The following APBB2 variants were observed in gnomAD, a reference collection of about 807,000 sequenced individuals.
The protein encoded by APBB2 is Fe65-like 1.
APBB2 carries 38 observed loss-of-function variants against 82.5 expected under a neutral mutation model. The observed-to-expected ratio is 0.46, with a 90% confidence interval of 0.36 to 0.60. The LOEUF (loss-of-function observed/expected upper bound fraction) is 0.60, where lower values mean the gene tolerates loss of function less well. APBB2 is among the 20% of genes least tolerant of loss of function. APBB2 has a pLI of 0.00. For missense variants in APBB2, 772 were observed against 972.3 expected (o/e 0.79, Z 2.74); for synonymous variants, 341 against 368.2 (o/e 0.93, Z 0.85).
rs1248605396 is a variant in APBB2 at position 40,946,463 on chromosome 4, C to T, written c.836-1390G>A. Among the ~76,000 whole-genome samples the T allele has an allele frequency of 1.1e-4, 14 of 132,776 alleles. No homozygotes were observed. In the East Asian group the frequency reaches 2.6e-3, roughly 24 times the overall value. 87.1% of individuals were successfully genotyped at this position (132,776 alleles called of 152,430 possible). On this transcript the variant is annotated intron_variant, in intron 6 of 17. Transcript: ENST00000508593. ...AACACTGCGATGGCCAAATAAAATACGTCTACTAGACAATTCCCATCATAT... is the reference window on the plus strand; with the variant it reads ...AACACTGCGATGGCCAAATAAAATATGTCTACTAGACAATTCCCATCATAT...
Position 41,065,634 on chromosome 4 carries a change from C to T in APBB2, c.-109G>A, listed in dbSNP as rs570242843. On this transcript the variant is annotated 5_prime_UTR_variant, in exon 4 of 18. Transcript: ENST00000508593. Reference sequence around the variant, plus strand: ...ACAGTCAACACATTGGCAGAGGCCTCGGCAGTTCCCAAGTCCTCAGGAAAG... The same window carrying T: ...ACAGTCAACACATTGGCAGAGGCCTTGGCAGTTCCCAAGTCCTCAGGAAAG... 2 of 151,282 alleles carry T rather than the reference C, an allele frequency of 1.3e-5. No individual in the cohort carries two copies. The highest frequency in any genetic ancestry group is 2.4e-5 in the African/African-American group (1 of 41,156). 9.4% of individuals were successfully genotyped at this position (151,282 alleles called of 1,614,324 possible).
chr4:41,007,246 A>G (rs1200898273), intron 6 of APBB2, among the ~76,000 whole-genome samples: 2 of 151,914 alleles, frequency 1.3e-5, no homozygotes, highest in African/African-American at 4.8e-5. Context: ...ACCTAAGCTG[A>G]CATGCATTCT....
At chr4:41,091,823 G>C (rs1333950466) in intron 3 of APBB2, among the ~76,000 whole-genome samples, 7 of 152,098 alleles carry the variant, frequency 4.6e-5, no homozygotes, top group Admixed American at 4.6e-4. Context: ...TAACAGGTTT[G>C]AGGTCAGCAA....
intron 1 of APBB2, among the ~76,000 whole-genome samples, chr4:41,165,961 C>T (rs1766452064): frequency 6.6e-6 from 1 of 150,984 alleles, no homozygotes; most frequent in African/African-American, 2.4e-5. Flanking sequence ...GCAAGCTCCG[C>T]CTCCCGGGTT....
At chr4:41,009,574 C>A (rs1346253299) in intron 6 of APBB2, among the ~76,000 whole-genome samples, 1 of 152,250 alleles carries the variant, frequency 6.6e-6, no homozygotes, top group Middle Eastern at 3.4e-3. Context: ...GGAAAGGATG[C>A]CCCTGAGGTA....
chr4:41,047,202 A>C (rs56010156), intron 4 of APBB2, among the ~76,000 whole-genome samples: 46,080 of 152,058 alleles, frequency 0.3, 7,440 homozygotes, highest in East Asian at 0.54. Context: ...TTTCTGTTCT[A>C]CTCCAACTGT....
At chr4:41,118,748 A>G (rs1398329042) in intron 2 of APBB2, among the ~76,000 whole-genome samples, 2 of 152,224 alleles carry the variant, frequency 1.3e-5, no homozygotes, top group Non-Finnish European at 2.9e-5. Flanking sequence ...CAAGCATACC[A>G]TATTAAGATA....
In APBB2 at chr4:41,152,755, T is replaced by C. The variant is rs1762598343; in HGVS notation, c.-416-9613A>G. Among the ~76,000 whole-genome samples, 3 of 152,226 alleles carry C rather than the reference T, an allele frequency of 2.0e-5. 1 individual carries two copies. In the South Asian group the frequency reaches 6.2e-4, roughly 31 times the overall value. ...TCCTAAGGTCTAAAGTGAAGATGCC[T>C]TCCTCCTGAAAGGATGTGCACTTGC... On this transcript the variant is annotated intron_variant, in intron 1 of 17. Transcript: ENST00000508593.
At chr4:40,923,803 C>G (rs567496973) in intron 10 of APBB2, among the ~76,000 whole-genome samples, 93 of 152,360 alleles carry the variant, frequency 6.1e-4, no homozygotes, top group Non-Finnish European at 1.2e-3. Flanking sequence ...CTCGGGGACT[C>G]ACACACGGCT....
chr4:41,204,268 T>C (rs999426527), intron 1 of APBB2, among the ~76,000 whole-genome samples: 5 of 152,176 alleles, frequency 3.3e-5, no homozygotes, highest in African/African-American at 1.2e-4. Flanking sequence ...CCCTGAAGAG[T>C]TGGGATGATA....
intron 1 of APBB2, among the ~76,000 whole-genome samples, chr4:41,208,343 C>T (rs1001825505): frequency 2.5e-4 from 38 of 152,234 alleles, no homozygotes; most frequent in Admixed American, 2.0e-3. Flanking sequence ...CTCACAGCAA[C>T]CTCCACCTCC....
chr4:40,919,264 G>A (rs1780655195), intron 10 of APBB2, among the ~76,000 whole-genome samples: 1 of 152,144 alleles, frequency 6.6e-6, no homozygotes, highest in South Asian at 2.1e-4. Context: ...GTGAAAAATT[G>A]TTTCAAGGCT....
intron 10 of APBB2, among the ~76,000 whole-genome samples, chr4:40,921,622 T>A (rs1176559941): frequency 2.6e-5 from 4 of 152,142 alleles, no homozygotes; most frequent in African/African-American, 4.8e-5. Flanking sequence ...GATGTAGCAT[T>A]TTGCTTTATT....
intron 1 of APBB2, among the ~76,000 whole-genome samples, chr4:41,166,610 G>A (rs1463910924): frequency 2.0e-5 from 3 of 150,418 alleles, no homozygotes; most frequent in South Asian, 2.1e-4. Flanking sequence ...AAGAAAAGCC[G>A]GGTGCGGTGG....
At chr4:41,000,065 G>A (rs1489800651) in intron 6 of APBB2, among the ~76,000 whole-genome samples, 3 of 100,550 alleles carry the variant, frequency 3.0e-5, no homozygotes, top group Admixed American at 1.2e-4. Context: ...ATATATATGT[G>A]TGTATGTGTG....
chr4:41,134,819 T>C (rs918112959), intron 2 of APBB2, among the ~76,000 whole-genome samples: 2 of 152,226 alleles, frequency 1.3e-5, no homozygotes, highest in African/African-American at 4.8e-5. Context: ...GCTGTTTCCC[T>C]CAATAATACT....
chr4:40,923,625 C>T (rs936952011), intron 10 of APBB2, among the ~76,000 whole-genome samples: 1 of 152,248 alleles, frequency 6.6e-6, no homozygotes, highest in Non-Finnish European at 1.5e-5. Context: ...CTGCTGCCAC[C>T]GCGGCTGGCT....
intron 17 of APBB2, among the ~76,000 whole-genome samples, chr4:40,817,182 C>T (rs185752862): frequency 6.6e-6 from 1 of 151,968 alleles, no homozygotes; most frequent in African/African-American, 2.4e-5. Context: ...CTGAGGGAGG[C>T]GGATCACTTG....
intron 1 of APBB2, among the ~76,000 whole-genome samples, chr4:41,162,849 A>G (rs1458026971): frequency 1.3e-5 from 2 of 152,140 alleles, no homozygotes; most frequent in African/African-American, 4.8e-5. Flanking sequence ...ACAGAGTAAG[A>G]CTCTGTTAAA....
Sources: gnomAD v4.1 joint callset for allele counts (sites outside exome capture counted in the v4.1 genomes callset) on GRCh38, gnomAD v4.1.1 for gene constraint, MANE v1.5 for transcripts, NCBI Gene and HGNC (gene_info 2026-07-23, HGNC 2026-07-21) for gene names.